Variants in BICRAL observed in about 807,000 individuals in gnomAD.
BICRAL encodes BRD4-interacting chromatin-remodeling complex-associated protein-like.
A neutral mutation model predicts 91.8 loss-of-function variants in BICRAL; 8 were observed. That is an observed-to-expected ratio of 0.09 (90% confidence interval 0.05 to 0.16). BICRAL has a LOEUF of 0.16. Ranked by LOEUF, BICRAL falls within the 10% of genes least tolerant of loss-of-function variation. BICRAL has a pLI of 1.00. For missense variants in BICRAL, 1,038 were observed against 1,310.9 expected, an observed-to-expected ratio of 0.79 and a Z score of 3.21; for synonymous variants, 445 against 491.1, an observed-to-expected ratio of 0.91 and a Z score of 1.24.
At chr6:42,760,176 G>A (rs531238051) in intron 1 of BICRAL, among the ~76,000 whole-genome samples, 11 of 152,054 alleles carry the variant, frequency 7.2e-5, no homozygotes, top group African/African-American at 1.4e-4. Flanking sequence ...CCTGGGAGGC[G>A]GAGGTTGCGG....
chr6:42,815,185 CTTTTTTTTTTTT>C (rs869106375), intron 2 of BICRAL, among the ~76,000 whole-genome samples: 51 of 101,158 alleles, frequency 5.0e-4, no homozygotes, highest in African/African-American at 1.9e-3. Flanking sequence ...GTCAGAATAT[CTTTTTTTTTTTT>C]TTTTTTTTTT....
chr6:42,866,792 T>C lies in BICRAL; in HGVS notation c.*1346T>C, dbSNP rs1296185635. On this transcript the variant is annotated 3_prime_UTR_variant, in exon 13 of 13. Transcript: ENST00000314073. ...TGTCAGGGAGTATTCTCCGTTTTCC[T>C]TTCTCGTATACCTGCCCCAGGTTAT... The C allele has an allele frequency of 6.6e-6, 3 of 456,458 alleles. No homozygotes were observed. The highest frequency in any genetic ancestry group is 3.1e-5 in the South Asian group (2 of 64,566). 28.3% of individuals were successfully genotyped at this position (456,458 alleles called of 1,614,324 possible). A position where few individuals can be genotyped will look rare whatever the true frequency, so the allele number is the denominator to read the frequency against.
At chr6:42,778,548 C>G (rs1762834299), upstream of BICRAL, among the ~76,000 whole-genome samples, 2 of 152,160 alleles carry the variant, frequency 1.3e-5, no homozygotes, top group Non-Finnish European at 2.9e-5. Flanking sequence ...TTTGGACATT[C>G]TCTTTAAAAA....
At chr6:42,845,921 AT>A (rs1294113920) in intron 6 of BICRAL, among the ~76,000 whole-genome samples, 3 of 138,966 alleles carry the variant, frequency 2.2e-5, no homozygotes, top group Admixed American at 7.1e-5. Flanking sequence ...AAAAAAAAAA[AT>A]TAGCTTGGCG....
chr6:42,782,490 A>G (rs1333596020), intron 1 of BICRAL, among the ~76,000 whole-genome samples: 1 of 85,212 alleles, frequency 1.2e-5, no homozygotes. Flanking sequence ...GCGGGGGCGC[A>G]GGCGGGCAGG....
In BICRAL at chr6:42,866,942, A is replaced by G; in HGVS notation, c.*1496A>G. On this transcript the variant is annotated 3_prime_UTR_variant, in exon 13 of 13. Transcript: ENST00000314073. ...CCCACACATACACACACGTGCATGT[A>G]TCTGAGCTGCTCGGATCCAGAGGTC... is the stretch of plus-strand genomic sequence containing the variant. 2.2e-6 allele frequency: 1 copy of G among 451,540 alleles called. No individual in the cohort carries two copies. 28.0% of individuals were successfully genotyped at this position (451,540 alleles called of 1,614,324 possible).
At chr6:42,798,381 A>AG (rs1317315521) in intron 1 of BICRAL, among the ~76,000 whole-genome samples, 3 of 113,360 alleles carry the variant, frequency 2.6e-5, no homozygotes, top group African/African-American at 1.4e-4. Context: ...CTAGAAAAAG[A>AG]AAAAAAATTT....
At chr6:42,802,212 T>C (rs758335276) in intron 1 of BICRAL, among the ~76,000 whole-genome samples, 4 of 151,860 alleles carry the variant, frequency 2.6e-5, no homozygotes, top group Non-Finnish European at 4.4e-5. Context: ...CATGCCATCG[T>C]ACTCCAGCCT....
upstream of BICRAL, among the ~76,000 whole-genome samples, chr6:42,781,630 G>C (rs1035795110): frequency 6.7e-6 from 1 of 150,112 alleles, no homozygotes; most frequent in Admixed American, 6.6e-5. Context: ...TGTGGAGAGA[G>C]AGCCTGCAAG....
chr6:42,792,522 C>T (rs1763303181), intron 1 of BICRAL, among the ~76,000 whole-genome samples: 1 of 151,918 alleles, frequency 6.6e-6, no homozygotes, highest in African/African-American at 2.4e-5. Context: ...GTCCTCCTGC[C>T]TCAGCCTCCC....
At chr6:42,753,650 C>A (rs1034185799) in intron 1 of BICRAL, among the ~76,000 whole-genome samples, 5 of 152,130 alleles carry the variant, frequency 3.3e-5, no homozygotes, top group Non-Finnish European at 7.4e-5. Context: ...CTCACTCTGT[C>A]ACCAAGGCTG....
chr6:42,764,273 C>T (rs796670302), intron 1 of BICRAL, among the ~76,000 whole-genome samples: 102 of 150,328 alleles, frequency 6.8e-4, no homozygotes, highest in African/African-American at 2.3e-3. Flanking sequence ...GTCTGTCGGG[C>T]ACAGTGGCCC....
intron 8 of BICRAL, among the ~76,000 whole-genome samples, chr6:42,854,832 G>T (rs558828521): frequency 8.7e-4 from 132 of 152,052 alleles, no homozygotes; most frequent in African/African-American, 2.6e-3. Context: ...AGTTTTTTTT[G>T]TTTGTTTGTT....
In BICRAL at chr6:42,857,072, G is replaced by T; in HGVS notation, c.2109-19G>T. ...CCTAACATGACTTTACATTGACATTGACCATTTCCCTTGTAAAGCATTCTC... is the reference window on the plus strand; with the variant it reads ...CCTAACATGACTTTACATTGACATTTACCATTTCCCTTGTAAAGCATTCTC... On this transcript the variant is annotated intron_variant, in intron 9 of 12. Transcript: ENST00000314073. 1 of 1,596,110 alleles carries T rather than the reference G, an allele frequency of 6.3e-7. No individual in the cohort carries two copies. The highest frequency in any genetic ancestry group is 1.1e-5 in the South Asian group (1 of 88,882).
At position 42,828,573 on chromosome 6, in the gene BICRAL, T is replaced by C; in HGVS notation, c.240T>C (p.Ser80=). ...EGPSDGLPLS[S]SLQFLEDELE... is the part of the protein sequence containing the mutation. ...CCAGTGATGGACTGCCACTTTCAAG[T>C]AGCCTCCAGTTTCTTGAAGATGAAC... Residue 80 remains serine (S), a synonymous_variant, in exon 6 of 13, where the codon AGT becomes AGC. Coordinates refer to ENST00000314073, the MANE Select transcript of BICRAL (RefSeq NM_001393499.1). The C allele has an allele frequency of 6.2e-7, 1 of 1,614,086 alleles. No individual in the cohort carries two copies. Among genetic ancestry groups the C allele is most frequent in the Non-Finnish European group, 8.5e-7 (1 of 1,179,944 alleles).
upstream of BICRAL, among the ~76,000 whole-genome samples, chr6:42,779,023 C>T (rs1460985394): frequency 1.3e-5 from 2 of 151,150 alleles, no homozygotes; most frequent in East Asian, 1.9e-4. Flanking sequence ...GATGGGGTTT[C>T]GCCATGTTGG....
chr6:42,811,335 A>C (rs1225119190), intron 2 of BICRAL, among the ~76,000 whole-genome samples: 7 of 152,164 alleles, frequency 4.6e-5, no homozygotes, highest in Non-Finnish European at 1.0e-4. Flanking sequence ...AAAATGGCCT[A>C]AGTTTGGCCG....
Position 42,828,642 on chromosome 6 carries a change from C to A in BICRAL, c.309C>A (p.Phe103Leu), listed in dbSNP as rs372828424. The A allele has an allele frequency of 3.1e-6, 5 of 1,614,014 alleles. No individual in the cohort carries two copies. The highest frequency in any genetic ancestry group is 4.2e-6 in the Non-Finnish European group (5 of 1,179,972). Residue 103 changes from phenylalanine (F) to leucine (L), a missense_variant, in exon 6 of 13, where the codon TTC becomes TTA. By Grantham distance (22) the Phe-to-Leu change is conservative (BLOSUM62 0). Coordinates refer to ENST00000314073, the MANE Select transcript of BICRAL (RefSeq NM_001393499.1). ...PLPDLTEDQP[F>L]DILQKSLQEA... is the part of the protein sequence containing the mutation. ...CTGATCTCACTGAGGACCAACCTTTCGACATTCTTCAGAAATCCTTGCAAG... is the reference window on the plus strand; with the variant it reads ...CTGATCTCACTGAGGACCAACCTTTAGACATTCTTCAGAAATCCTTGCAAG...
rs948237038 is a variant in BICRAL at position 42,865,971 on chromosome 6, G to A, written c.*525G>A. On this transcript the variant is annotated 3_prime_UTR_variant, in exon 13 of 13. Coordinates refer to ENST00000314073, the MANE Select transcript of BICRAL (RefSeq NM_001393499.1). Reference sequence around the variant, plus strand: ...GTGTGTTTTGTTGTTATTGTTGAGGGGAAGACCACATGGTTCTTCCCCCTC... The same window carrying A: ...GTGTGTTTTGTTGTTATTGTTGAGGAGAAGACCACATGGTTCTTCCCCCTC... 1 of 152,422 alleles carries A rather than the reference G, an allele frequency of 6.6e-6. No homozygotes were observed. Among genetic ancestry groups the A allele is most frequent in the African/African-American group, 2.4e-5 (1 of 41,344 alleles). The allele number at this position is 152,422 out of a possible 1,614,324, so 9.4% of individuals were successfully genotyped here. A position where few individuals can be genotyped will look rare whatever the true frequency, so the allele number is the denominator to read the frequency against.
Sources: gnomAD v4.1 joint callset for allele counts (sites outside exome capture counted in the v4.1 genomes callset) on GRCh38, gnomAD v4.1.1 for gene constraint, MANE v1.5 for transcripts, NCBI Gene and HGNC (gene_info 2026-07-23, HGNC 2026-07-21) for gene names.